Variants in NAPEPLD observed in about 807,000 individuals in gnomAD.
NAPEPLD encodes the protein N-acyl phosphatidylethanolamine phospholipase D.
A neutral mutation model predicts 38.1 loss-of-function variants in NAPEPLD; 23 were observed. The observed-to-expected ratio is 0.60, with a 90% CI of 0.43 to 0.86. NAPEPLD has a LOEUF of 0.86. NAPEPLD is among the 40% of genes least tolerant of loss of function. The pLI is 0.00. For synonymous variants in NAPEPLD, 147 were observed against 162.0 expected (o/e 0.91, Z 0.71); for missense variants, 411 against 476.8 (o/e 0.86, Z 1.28).
intron 1 of NAPEPLD, among the ~76,000 whole-genome samples, chr7:103,143,060 CAAAAAA>C (rs1226276540): frequency 6.3e-4 from 14 of 22,342 alleles, no homozygotes; most frequent in South Asian, 0.045. Context: ...TCTGTCTCTA[CAAAAAA>C]AAAAACAAAA....
Position 103,100,200 on chromosome 7 carries a change from A to AGTATTC in NAPEPLD, c.*3223_*3228dup, listed in dbSNP as rs1381519243. 6.6e-5 allele frequency: 10 copies of AGTATTC among 152,240 alleles called. No homozygotes were observed. Among genetic ancestry groups the AGTATTC allele is most frequent in the Admixed American group, 6.5e-4 (10 of 15,282 alleles). The allele number at this position is 152,240 out of a possible 1,614,324, so 9.4% of individuals were successfully genotyped here. The stretch of plus-strand genomic sequence containing the variant: ...TCCCAGTGGGCTAGACATGAACAAA[A>AGTATTC]GTATTCATTCCCCAAAAGGCACATT... On this transcript the variant is annotated 3_prime_UTR_variant, in exon 5 of 5. Coordinates refer to ENST00000465647, the MANE Select transcript of NAPEPLD (RefSeq NM_001122838.3).
chr7:103,122,439 A>C (rs1381384525), intron 2 of NAPEPLD, among the ~76,000 whole-genome samples: 1 of 152,184 alleles, frequency 6.6e-6, no homozygotes, highest in Non-Finnish European at 1.5e-5. Context: ...CACAGACAAA[A>C]GAGGGCAGAT....
In NAPEPLD at chr7:103,102,125, T is replaced by C. The variant is rs1234843115; in HGVS notation, c.*1304A>G. 1 of 151,208 alleles carries C rather than the reference T, an allele frequency of 6.6e-6. No individual in the cohort carries two copies. Among genetic ancestry groups the C allele is most frequent in the African/African-American group, 2.4e-5 (1 of 41,094 alleles). 9.4% of individuals were successfully genotyped at this position (151,208 alleles called of 1,614,324 possible). A position where few individuals can be genotyped will look rare whatever the true frequency, so the allele number is the denominator to read the frequency against. On this transcript the variant is annotated 3_prime_UTR_variant, in exon 5 of 5. Coordinates refer to ENST00000465647, the MANE Select transcript of NAPEPLD (RefSeq NM_001122838.3). ...AAAAAAATTATAAATCTGATTGATA[T>C]ATTTAGAGCTAAGAGACTCCAGGAA...
At chr7:103,140,632 A>G (rs1167042314) in intron 1 of NAPEPLD, among the ~76,000 whole-genome samples, 1 of 151,946 alleles carries the variant, frequency 6.6e-6, no homozygotes, top group Non-Finnish European at 1.5e-5. Flanking sequence ...TGACCTCGTG[A>G]TCTGCCCGCC....
chr7:103,122,115 T>G (rs1489629485), intron 2 of NAPEPLD, among the ~76,000 whole-genome samples: 2 of 151,922 alleles, frequency 1.3e-5, no homozygotes, highest in East Asian at 3.9e-4. Flanking sequence ...TTTTTTTTTT[T>G]TTGTAGAGAC....
intron 1 of NAPEPLD, among the ~76,000 whole-genome samples, chr7:103,143,872 G>A (rs186623004): frequency 8.5e-5 from 13 of 152,288 alleles, no homozygotes; most frequent in East Asian, 1.9e-4. Context: ...TAATCCATAT[G>A]TGGGTGCCTT....
intron 1 of NAPEPLD, among the ~76,000 whole-genome samples, chr7:103,148,390 G>A (rs1813011360): frequency 6.7e-6 from 1 of 149,156 alleles, no homozygotes; most frequent in Admixed American, 6.7e-5. Flanking sequence ...TTTAACTGAC[G>A]TATAATGAAT....
chr7:103,120,701 CTTTTTTTTTTTTTT>C lies in NAPEPLD; in HGVS notation c.295-492_295-479del, dbSNP rs869141133. ...CATGAATCATGAATCTGATATTTTT[CTTTTTTTTTTTTTT>C]TTTTTTTTTTTTGTCTGAGACAGGC... On this transcript the variant is annotated intron_variant, in intron 2 of 4. Coordinates refer to ENST00000465647, the MANE Select transcript of NAPEPLD (RefSeq NM_001122838.3). 2.9e-3 allele frequency among the ~76,000 whole-genome samples: 242 copies of C among 82,536 alleles called. 1 individual carries two copies. Among genetic ancestry groups the C allele is most frequent in the African/African-American group, 9.9e-3 (220 of 22,138 alleles). 54.1% of individuals were successfully genotyped at this position (82,536 alleles called of 152,430 possible).
intron 3 of NAPEPLD, among the ~76,000 whole-genome samples, chr7:103,119,245 A>G (rs892414070): frequency 1.3e-5 from 2 of 152,178 alleles, no homozygotes; most frequent in Non-Finnish European, 2.9e-5. Context: ...ACTATAATTA[A>G]AATATTTTAA....
Position 103,141,360 on chromosome 7 carries a change from T to C in NAPEPLD, c.-17+7451A>G, listed in dbSNP as rs1811313940. 5.1e-6 allele frequency: 4 copies of C among 782,150 alleles called. No homozygotes were observed. In the South Asian group the frequency reaches 5.4e-5, roughly 11 times the overall value. The allele number at this position is 782,150 out of a possible 1,614,324, so 48.5% of individuals were successfully genotyped here. ...CAAAGGGGCAGCTTTTATTTCTTGG[T>C]CTCTTCCTCCTTGGACAAAGTCTTG... On this transcript the variant is annotated intron_variant, in intron 1 of 4. Transcript: ENST00000465647.
At chr7:103,136,138 A>G (rs9691829) in intron 1 of NAPEPLD, among the ~76,000 whole-genome samples, 137,932 of 151,540 alleles carry the variant, frequency 0.91, 64,155 homozygotes, top group East Asian at 1. Context: ...GTGGTGGTGC[A>G]TGCCTGTAAT....
chr7:103,137,983 T>G (rs988749215), intron 1 of NAPEPLD, among the ~76,000 whole-genome samples: 14 of 25,628 alleles, frequency 5.5e-4, no homozygotes, highest in East Asian at 0.019. Context: ...TTGCTTTTTT[T>G]CTTTTTTTTT....
chr7:103,112,752 TAAA>T (rs58608506), intron 4 of NAPEPLD, among the ~76,000 whole-genome samples: 2 of 142,212 alleles, frequency 1.4e-5, no homozygotes, highest in South Asian at 4.4e-4. Context: ...TAAAGTATAA[TAAA>T]AAAAAAAAGA....
upstream of NAPEPLD, chr7:103,149,182 G>T (rs922694726): frequency 2.0e-6 from 2 of 991,554 alleles, no homozygotes; most frequent in Admixed American, 6.1e-5. Flanking sequence ...CCTCCCGCGA[G>T]GTCCAACAGA....
At chr7:103,116,139 GCAACC>G (rs1805524659) in intron 3 of NAPEPLD, among the ~76,000 whole-genome samples, 1 of 151,914 alleles carries the variant, frequency 6.6e-6, no homozygotes, top group African/African-American at 2.4e-5. Flanking sequence ...CCAGCTCACT[GCAACC>G]TCCGCCTCCT....
chr7:103,147,733 T>C (rs757476993), intron 1 of NAPEPLD, among the ~76,000 whole-genome samples: 6 of 152,218 alleles, frequency 3.9e-5, no homozygotes, highest in Non-Finnish European at 5.9e-5. Flanking sequence ...TTTTGTAACA[T>C]AGAATTTCTA....
chr7:103,117,669 G>A (rs949283981), intron 3 of NAPEPLD, among the ~76,000 whole-genome samples: 1 of 152,074 alleles, frequency 6.6e-6, no homozygotes, highest in East Asian at 1.9e-4. Flanking sequence ...CACATTAGAG[G>A]CTACCACAAT....
intron 4 of NAPEPLD, among the ~76,000 whole-genome samples, chr7:103,114,433 AG>A (rs749143617): frequency 6.6e-6 from 1 of 152,262 alleles, no homozygotes; most frequent in East Asian, 1.9e-4. Context: ...ATTTCTAGAA[AG>A]TTCCACACTA....
intron 1 of NAPEPLD, chr7:103,141,764 G>A: frequency 3.5e-6 from 3 of 853,456 alleles, no homozygotes; most frequent in East Asian, 2.4e-5. Context: ...TCAAGCGGGG[G>A]AATGGACCAT....
Sources: allele counts gnomAD v4.1 joint callset (sites outside exome capture counted in the v4.1 genomes callset), GRCh38; gene constraint gnomAD v4.1.1; transcripts MANE v1.5; gene names NCBI Gene and HGNC (gene_info 2026-07-23, HGNC 2026-07-21).